The following DMC1 variants were observed in gnomAD, a reference collection of about 807,000 sequenced individuals.
The protein encoded by DMC1 is DNA meiotic recombinase 1.
Under a neutral mutation model 50.1 loss-of-function variants are expected in DMC1, and 27 were observed. That is an observed-to-expected ratio of 0.54 (90% CI 0.40 to 0.74). The LOEUF (loss-of-function observed/expected upper bound fraction) is 0.74, where lower values mean the gene tolerates loss of function less well. DMC1 is among the 30% of genes least tolerant of loss of function. The pLI is 0.00. For synonymous variants in DMC1, 148 were observed against 136.1 expected (o/e 1.09, Z -0.61); for missense variants, 295 against 420.2 (o/e 0.70, Z 2.60).
chr22:38,517,102 T>C (rs1412099520), downstream of DMC1, among the ~76,000 whole-genome samples: 6 of 152,104 alleles, frequency 3.9e-5, no homozygotes, highest in Non-Finnish European at 5.9e-5. Flanking sequence ...CCTGGGATGA[T>C]TAAGGGAAAG....
the DMC1 span, among the ~76,000 whole-genome samples, chr22:38,511,906 T>C: frequency 6.6e-6 from 1 of 152,184 alleles, no homozygotes; most frequent in Admixed American, 6.5e-5. Context: ...GTAGGGCTGC[T>C]TTACAGGAGC....
At chr22:38,543,661 C>T (rs527272879) in intron 8 of DMC1, among the ~76,000 whole-genome samples, 1 of 152,256 alleles carries the variant, frequency 6.6e-6, no homozygotes, top group African/African-American at 2.4e-5. Flanking sequence ...TTTCTTGCCC[C>T]TAGTTTCAGT....
intron 8 of DMC1, among the ~76,000 whole-genome samples, chr22:38,545,397 C>T (rs957264359): frequency 6.6e-6 from 1 of 152,070 alleles, no homozygotes; most frequent in African/African-American, 2.4e-5. Flanking sequence ...GGCGACAGAG[C>T]GAGACCCTGT....
the DMC1 span, among the ~76,000 whole-genome samples, chr22:38,513,369 T>C: frequency 6.6e-6 from 1 of 152,084 alleles, no homozygotes; most frequent in Non-Finnish European, 1.5e-5. Flanking sequence ...TGGGGAGAGG[T>C]GACTCTTTGA....
At chr22:38,509,570 C>T in the DMC1 span, among the ~76,000 whole-genome samples, 24 of 152,132 alleles carry the variant, frequency 1.6e-4, no homozygotes, top group African/African-American at 5.1e-4. Flanking sequence ...TGTACATTGT[C>T]GGGGTGAAAT....
intron 12 of DMC1, among the ~76,000 whole-genome samples, chr22:38,532,860 G>A (rs147788268): frequency 0.011 from 1,621 of 151,554 alleles, 35 homozygotes; most frequent in African/African-American, 0.038. Context: ...CTCCTGCCTC[G>A]GCCTCCCAAA....
At position 38,554,365 on chromosome 22, in the gene DMC1, A is replaced by G. The variant is rs530974979; in HGVS notation, c.379+992T>C. Among the ~76,000 whole-genome samples, 4 of 152,060 alleles carry G rather than the reference A, an allele frequency of 2.6e-5. No homozygotes were observed. The South Asian group carries it at 8.3e-4, about 32-fold the overall frequency. Reference sequence around the variant, plus strand: ...TCAAACAATAAGCTCAGAAACACCAATAAATACAGAAGAAGGTAAGCCACT... The same window carrying G: ...TCAAACAATAAGCTCAGAAACACCAGTAAATACAGAAGAAGGTAAGCCACT... On this transcript the variant is annotated intron_variant, in intron 6 of 13. Transcript: ENST00000216024.
downstream of DMC1, among the ~76,000 whole-genome samples, chr22:38,514,977 G>A (rs958396938): frequency 8.5e-5 from 10 of 117,058 alleles, no homozygotes; most frequent in African/African-American, 2.7e-4. Flanking sequence ...GACAGATTCT[G>A]TTGCCTCAGC....
In DMC1 at chr22:38,533,011, T is replaced by A. The variant is rs2090169984; in HGVS notation, c.836+4581A>T. 3.9e-5 allele frequency among the ~76,000 whole-genome samples: 6 copies of A among 152,312 alleles called. No individual in the cohort carries two copies. In the South Asian group the frequency reaches 1.2e-3, roughly 32 times the overall value. On this transcript the variant is annotated intron_variant, in intron 12 of 13. Coordinates refer to ENST00000216024, the MANE Select transcript of DMC1 (RefSeq NM_007068.4). ...CATTGAGTGAATAAATGATTTCCCC[T>A]GCTCAATCTTTTTAACTTGCTTAAT...
chr22:38,560,549 G>C (rs1398729435), intron 5 of DMC1, among the ~76,000 whole-genome samples: 1 of 151,810 alleles, frequency 6.6e-6, no homozygotes, highest in African/African-American at 2.4e-5. Context: ...CTCAAGGAGG[G>C]AGGTTAATTA....
intron 12 of DMC1, among the ~76,000 whole-genome samples, chr22:38,534,513 G>A (rs2090189145): frequency 6.6e-6 from 1 of 152,098 alleles, no homozygotes; most frequent in Non-Finnish European, 1.5e-5. Context: ...GACCAGCCTG[G>A]CCAACATGAA....
chr22:38,567,781 AAC>A (rs2090595261), intron 2 of DMC1, among the ~76,000 whole-genome samples, 154 bp from the exon 3 acceptor site: 1 of 152,258 alleles, frequency 6.6e-6, no homozygotes, highest in African/African-American at 2.4e-5. Context: ...CCGTTTTTCA[AAC>A]ACAGAAGAAG....
At chr22:38,517,848 C>T (rs903730333), downstream of DMC1, among the ~76,000 whole-genome samples, 4 of 152,198 alleles carry the variant, frequency 2.6e-5, no homozygotes, top group Admixed American at 1.3e-4. Context: ...GCTCCTATTT[C>T]CCAGTATCCT....
Position 38,567,564 on chromosome 22 carries a change from G to T in DMC1, c.96+19C>A. ...ATCCTGAATCAGACAATTTAACACA[G>T]CATTGAAAAACTACTTACAATTCCA... On this transcript the variant is annotated intron_variant, in intron 3 of 13. Transcript: ENST00000216024. 1 of 1,582,578 alleles carries T rather than the reference G, an allele frequency of 6.3e-7. No individual in the cohort carries two copies. The highest frequency in any genetic ancestry group is 1.7e-4 in the Middle Eastern group (1 of 6,008).
At chr22:38,549,177 A>G (rs1027582841) in intron 8 of DMC1, among the ~76,000 whole-genome samples, 1 of 152,154 alleles carries the variant, frequency 6.6e-6, no homozygotes, top group African/African-American at 2.4e-5. Context: ...TAAGATCCCA[A>G]TCATCTTTCT....
chr22:38,517,351 C>G (rs1022142490), downstream of DMC1, among the ~76,000 whole-genome samples: 3 of 152,002 alleles, frequency 2.0e-5, no homozygotes, highest in Non-Finnish European at 4.4e-5. Context: ...GGTGGATCAC[C>G]TGAGGTCAGG....
In DMC1 at chr22:38,523,491, T is replaced by C. The variant is rs370563497; in HGVS notation, c.837-1767A>G. ...AAACACTGTATTTATGCTTCTGTAA[T>C]GTACTTTTCATGTTCTGCCTTTAGT... is the stretch of plus-strand genomic sequence containing the variant. On this transcript the variant is annotated intron_variant, in intron 12 of 13. Transcript: ENST00000216024. Among the ~76,000 whole-genome samples, 3 of 152,344 alleles carry C rather than the reference T, an allele frequency of 2.0e-5. No individual in the cohort carries two copies. In the South Asian group the frequency reaches 6.2e-4, roughly 32 times the overall value.
At chr22:38,569,763 G>A (rs1195965049) in intron 1 of DMC1, among the ~76,000 whole-genome samples, 8 of 152,230 alleles carry the variant, frequency 5.3e-5, no homozygotes, top group Admixed American at 5.2e-4. Context: ...TCCCTCAGCA[G>A]GAGGCCTGGG....
intron 8 of DMC1, among the ~76,000 whole-genome samples, chr22:38,540,776 CAG>C (rs2090272608): frequency 6.6e-6 from 1 of 152,150 alleles, no homozygotes; most frequent in Non-Finnish European, 1.5e-5. Flanking sequence ...ACAAGTTAGA[CAG>C]GGAATTGGAA....
Sources: allele counts gnomAD v4.1 joint callset (sites outside exome capture counted in the v4.1 genomes callset), GRCh38; gene constraint gnomAD v4.1.1; transcripts MANE v1.5; gene names NCBI Gene and HGNC (gene_info 2026-07-23, HGNC 2026-07-21).